PDGFC: variants seen among roughly 807,000 people sequenced by gnomAD.
The protein encoded by PDGFC is platelet-derived growth factor C.
A neutral mutation model predicts 35.5 loss-of-function variants in PDGFC; 12 were observed. The ratio of observed to expected loss-of-function variants is 0.34; its 90% confidence interval spans 0.22 to 0.55. The LOEUF (loss-of-function observed/expected upper bound fraction) is 0.55. Among genes scored for constraint, PDGFC ranks in the 20% least tolerant of loss-of-function variants. The pLI is 0.91. For missense variants in PDGFC, 322 were observed against 412.4 expected (o/e 0.78, Z 1.90); for synonymous variants, 159 against 148.8 (o/e 1.07, Z -0.50).
intron 1 of PDGFC, among the ~76,000 whole-genome samples, chr4:156,897,825 T>G (rs530796650): frequency 1.3e-5 from 2 of 152,328 alleles, no homozygotes; most frequent in Admixed American, 1.3e-4. Flanking sequence ...CCTTTAACTC[T>G]TCATTATAAC....
At chr4:156,901,113 C>G (rs1227291272) in intron 1 of PDGFC, among the ~76,000 whole-genome samples, 3 of 152,172 alleles carry the variant, frequency 2.0e-5, no homozygotes, top group African/African-American at 7.2e-5. Flanking sequence ...TTGTATCATG[C>G]ACATAAATCC....
intron 1 of PDGFC, among the ~76,000 whole-genome samples, chr4:156,864,825 C>A (rs1033492664): frequency 1.3e-5 from 2 of 151,956 alleles, no homozygotes; most frequent in South Asian, 2.1e-4. Context: ...ATAATTGCTC[C>A]AATTATAAAA....
chr4:156,913,284 C>G (rs1731081728), intron 1 of PDGFC, among the ~76,000 whole-genome samples: 2 of 152,074 alleles, frequency 1.3e-5, no homozygotes. Flanking sequence ...TGGTACAGAG[C>G]CCTACAACGG....
chr4:156,964,595 G>A (rs1384163597), intron 1 of PDGFC, among the ~76,000 whole-genome samples: 2 of 151,728 alleles, frequency 1.3e-5, no homozygotes, highest in African/African-American at 4.8e-5. Context: ...CTCCCAATCT[G>A]AAAACCATGC....
chr4:156,827,402 G>C (rs1346113436), intron 2 of PDGFC, among the ~76,000 whole-genome samples: 2 of 148,620 alleles, frequency 1.3e-5, no homozygotes, highest in African/African-American at 5.1e-5. Context: ...GGGTGACAGA[G>C]TGAGACTCCA....
chr4:156,853,706 A>T (rs1729507158), intron 1 of PDGFC, among the ~76,000 whole-genome samples: 1 of 152,184 alleles, frequency 6.6e-6, no homozygotes, highest in Admixed American at 6.5e-5. Flanking sequence ...TCCTGTCTGT[A>T]ATCCCAGCAT....
At chr4:156,929,092 G>A (rs764212385) in intron 1 of PDGFC, among the ~76,000 whole-genome samples, 2 of 152,148 alleles carry the variant, frequency 1.3e-5, no homozygotes, top group African/African-American at 2.4e-5. Flanking sequence ...AGTCAAAGAA[G>A]CAGTAACACC....
intron 1 of PDGFC, among the ~76,000 whole-genome samples, chr4:156,880,100 G>A (rs749985790): frequency 6.6e-6 from 1 of 152,162 alleles, no homozygotes; most frequent in Non-Finnish European, 1.5e-5. Context: ...AAGCTAAGCT[G>A]ACAGATGAAG....
Position 156,763,182 on chromosome 4 carries a change from C to T in PDGFC, c.946G>A (p.Gly316Ser), listed in dbSNP as rs1455196232. 8.1e-6 allele frequency: 13 copies of T among 1,608,372 alleles called. No individual in the cohort carries two copies. Among genetic ancestry groups the T allele is most frequent in the Non-Finnish European group, 9.4e-6 (11 of 1,174,986 alleles). ...AGTGATTTGTGCAATCCCCTGACAC[C>T]GGTCTTTGGTCTCAACTGAAGGACC... Reference protein sequence around the residue: ...HEVLQLRPKTGVRGLHKSLTD... With the variant: ...HEVLQLRPKTSVRGLHKSLTD... The change falls in exon 6 of 6, where the codon GGT becomes AGT. Residue 316 changes from glycine (G) to serine (S), a missense_variant. By Grantham distance (56) the Gly-to-Ser change is moderately conservative. Transcript: ENST00000502773.
At chr4:156,818,524 T>TTG (rs1324558291) in intron 2 of PDGFC, among the ~76,000 whole-genome samples, 1 of 145,432 alleles carries the variant, frequency 6.9e-6, no homozygotes, top group Non-Finnish European at 1.5e-5. Context: ...CTGTTTTTTT[T>TTG]TTTTTTTTTT....
chr4:156,963,115 C>T (rs1732379835), intron 1 of PDGFC, among the ~76,000 whole-genome samples: 1 of 151,914 alleles, frequency 6.6e-6, no homozygotes, highest in South Asian at 2.1e-4. Flanking sequence ...CCCACAAACC[C>T]CAGCAACAAC....
chr4:156,794,579 G>A (rs547725644), intron 3 of PDGFC, among the ~76,000 whole-genome samples: 2 of 151,770 alleles, frequency 1.3e-5, no homozygotes, highest in East Asian at 3.9e-4. Context: ...CCTTTACTTT[G>A]GTGAGTAATA....
At chr4:156,829,892 T>A (rs1443692576) in intron 2 of PDGFC, among the ~76,000 whole-genome samples, 1 of 152,140 alleles carries the variant, frequency 6.6e-6, no homozygotes, top group Non-Finnish European at 1.5e-5. Context: ...ATTTTATTAA[T>A]CTTATAGACA....
chr4:156,807,617 CTG>C (rs1731803529), intron 3 of PDGFC, among the ~76,000 whole-genome samples: 2 of 151,880 alleles, frequency 1.3e-5, no homozygotes, highest in Admixed American at 6.6e-5. Context: ...GTGGCAAAAA[CTG>C]TTTCTGAAAA....
At chr4:156,940,165 G>A (rs1350862287) in intron 1 of PDGFC, among the ~76,000 whole-genome samples, 1 of 152,042 alleles carries the variant, frequency 6.6e-6, no homozygotes, top group East Asian at 1.9e-4. Flanking sequence ...AATCTACCTA[G>A]TTATTACATC....
intron 3 of PDGFC, among the ~76,000 whole-genome samples, chr4:156,785,905 T>C (rs1731110701): frequency 6.6e-6 from 1 of 152,162 alleles, no homozygotes; most frequent in Non-Finnish European, 1.5e-5. Context: ...TCTTCCTACA[T>C]TCTTTTCTTT....
At chr4:156,919,535 G>C (rs1318557300) in intron 1 of PDGFC, among the ~76,000 whole-genome samples, 1 of 152,014 alleles carries the variant, frequency 6.6e-6, no homozygotes, top group Non-Finnish European at 1.5e-5. Flanking sequence ...CTGCTTATCA[G>C]ATTTTCTATA....
At chr4:156,880,430 A>G (rs1257748519) in intron 1 of PDGFC, among the ~76,000 whole-genome samples, 1 of 152,130 alleles carries the variant, frequency 6.6e-6, no homozygotes, top group African/African-American at 2.4e-5. Context: ...TTTTAAACCC[A>G]CTACTCAGAA....
At chr4:156,956,139 T>C (rs1732202965) in intron 1 of PDGFC, among the ~76,000 whole-genome samples, 1 of 152,052 alleles carries the variant, frequency 6.6e-6, no homozygotes, top group East Asian at 1.9e-4. Flanking sequence ...CACGCACTTT[T>C]GTGTATTGGA....
Sources: allele counts gnomAD v4.1 joint callset (sites outside exome capture counted in the v4.1 genomes callset), GRCh38; gene constraint gnomAD v4.1.1; transcripts MANE v1.5; gene names NCBI Gene and HGNC (gene_info 2026-07-23, HGNC 2026-07-21).